HMCN2: variants seen among roughly 807,000 people sequenced by gnomAD.
HMCN2 encodes the protein hemicentin 2, also known as hemicentin-2.
HMCN2 carries 325 observed loss-of-function variants against 377.5 expected under a neutral mutation model. The ratio of observed to expected loss-of-function variants is 0.86; its 90% confidence interval spans 0.79 to 0.94. The LOEUF (loss-of-function observed/expected upper bound fraction) is 0.94, where lower values mean the gene tolerates loss of function less well. Ranked by LOEUF, HMCN2 falls within the 40% of genes least tolerant of loss-of-function variation. The pLI is 0.00. For synonymous variants in HMCN2, 2,007 were observed against 2,046.8 expected (o/e 0.98, Z 0.53); for missense variants, 4,543 against 4,725.3 (o/e 0.96, Z 1.13).
intron 28 of HMCN2, 75 bp downstream of exon 28, chr9:130,349,206 G>A (rs1839560940): frequency 8.0e-7 from 1 of 1,252,742 alleles, no homozygotes; most frequent in Admixed American, 2.4e-5. Context: ...GCACACCGGG[G>A]GAGAGGGTAG....
chr9:130,354,343 AG>A (rs1839904327), intron 31 of HMCN2, among the ~76,000 whole-genome samples: 1 of 152,176 alleles, frequency 6.6e-6, no homozygotes, highest in Admixed American at 6.5e-5. Flanking sequence ...ATCTGGGCTC[AG>A]GTCTGCCCCA....
chr9:130,370,045 T>C (rs774683757), intron 45 of HMCN2, among the ~76,000 whole-genome samples, 194 bp downstream of exon 45: 5 of 151,730 alleles, frequency 3.3e-5, no homozygotes, highest in Non-Finnish European at 7.4e-5. Context: ...TGGTCCCAAA[T>C]GGCCCCAATT....
chr9:130,306,768 A>G (rs1217570862), intron 12 of HMCN2, 43 bp from the exon 13 acceptor site: 1 of 448,030 alleles, frequency 2.2e-6, no homozygotes, highest in African/African-American at 2.0e-5. Flanking sequence ...ATTGTGGATC[A>G]ACCCCTTTTG....
rs942384776 is a variant in HMCN2 at position 130,384,729 on chromosome 9, G to A, written c.9037G>A (p.Gly3013Arg). 42 of 1,302,664 alleles carry A rather than the reference G, an allele frequency of 3.2e-5. No homozygotes were observed. The highest frequency in any genetic ancestry group is 1.1e-4 in the East Asian group (2 of 18,038). The allele number at this position is 1,302,664 out of a possible 1,614,324, so 80.7% of individuals were successfully genotyped here. Residue 3013 changes from glycine to arginine, a missense_variant, in exon 59 of 98, where the codon GGG becomes AGG. Physicochemically the swap from Gly to Arg is moderately radical, Grantham distance 125. This residue lies in a region of HMCN2 where 736 missense variants were observed against 773.2 expected (regional missense o/e 0.95). Transcript: ENST00000683500. The stretch of plus-strand genomic sequence containing the variant: ...GGGGAGAGCACGGCTGTCGGACTCC[G>A]GGATGTACACATGCGAAGCCCTCAA... ...QLGRARLSDS[G>R]MYTCEALNAA...
At position 130,303,539 on chromosome 9, in the gene HMCN2, G is replaced by A; in HGVS notation, c.1474G>A (p.Gly492Ser). Reference protein sequence around the residue: ...EILRASKAEEGTYECTAVSRA... With the variant: ...EILRASKAEESTYECTAVSRA... ...CCTGCGGGCCTCCAAGGCCGAGGAG[G>A]GCACGTACGAGTGCACAGCCGTCAG... The change falls in exon 10 of 98, where the codon GGC (glycine) becomes AGC (serine). Residue 492 changes from glycine (G) to serine (S), a missense_variant. By Grantham distance (56) the Gly-to-Ser change is moderately conservative. Coordinates refer to ENST00000683500, the MANE Select transcript of HMCN2 (RefSeq NM_001291815.2). The surrounding 1 kb of genome is among the most constrained non-coding windows in gnomAD (Gnocchi z 5.2). 1 of 427,892 alleles carries A rather than the reference G, an allele frequency of 2.3e-6. No individual in the cohort carries two copies. The highest frequency in any genetic ancestry group is 4.9e-6 in the Non-Finnish European group (1 of 204,800). The allele number at this position is 427,892 out of a possible 1,614,324, so 26.5% of individuals were successfully genotyped here.
Position 130,394,887 on chromosome 9 carries a change from G to T in HMCN2, c.10693-140G>T. Reference sequence around the variant, plus strand: ...CAACAGTGAGATGGAGGGAGAGGGCGTGGGTTGGCTGGGAGGTGGATGGCA... The same window carrying T: ...CAACAGTGAGATGGAGGGAGAGGGCTTGGGTTGGCTGGGAGGTGGATGGCA... On this transcript the variant is annotated intron_variant, in intron 69 of 97. Coordinates refer to ENST00000683500, the MANE Select transcript of HMCN2 (RefSeq NM_001291815.2). This position sits in a 1 kb window ranked among gnomAD's most constrained non-coding sequence, Gnocchi z 5.1. The T allele has an allele frequency of 2.2e-6, 1 of 445,696 alleles. No individual in the cohort carries two copies. The highest frequency in any genetic ancestry group is 3.9e-6 in the Non-Finnish European group (1 of 255,608). The allele number at this position is 445,696 out of a possible 1,614,324, so 27.6% of individuals were successfully genotyped here. A position where few individuals can be genotyped will look rare whatever the true frequency, so the allele number is the denominator to read the frequency against.
chr9:130,428,340 G>A lies in HMCN2; in HGVS notation c.14066-18G>A. The A allele has an allele frequency of 6.5e-7, 1 of 1,538,596 alleles. No individual in the cohort carries two copies. The highest frequency in any genetic ancestry group is 8.8e-7 in the Non-Finnish European group (1 of 1,141,392). On this transcript the variant is annotated intron_variant, in intron 92 of 97. Transcript: ENST00000683500. The surrounding 1 kb of genome is among the most constrained non-coding windows in gnomAD (Gnocchi z 5.0). The stretch of plus-strand genomic sequence containing the variant: ...GGGGATCATGTTCACACAGCCGTCT[G>A]CCCTGATCTGCCCCCAGATGTGGAC...
At chr9:130,359,970 G>C (rs79637602) in intron 37 of HMCN2, among the ~76,000 whole-genome samples, 1 of 152,144 alleles carries the variant, frequency 6.6e-6, no homozygotes, top group South Asian at 2.1e-4. Context: ...AGATACACGC[G>C]GTCCAGCCTG....
At chr9:130,332,520 G>T (rs1838479096) in intron 22 of HMCN2, among the ~76,000 whole-genome samples, 4 of 152,366 alleles carry the variant, frequency 2.6e-5, no homozygotes, top group Admixed American at 2.6e-4. Flanking sequence ...ATAGTTGACA[G>T]CTGTGGCTGG....
Position 130,265,771 on chromosome 9 carries a change from G to C in HMCN2, c.-108G>C. 1 of 224,486 alleles carries C rather than the reference G, an allele frequency of 4.5e-6. No individual in the cohort carries two copies. Among genetic ancestry groups the C allele is most frequent in the South Asian group, 5.0e-5 (1 of 20,190 alleles). 13.9% of individuals were successfully genotyped at this position (224,486 alleles called of 1,614,324 possible). On this transcript the variant is annotated 5_prime_UTR_variant, in exon 1 of 98. Transcript: ENST00000683500. ...CCCCTATCCCTCGCGCACTGGCCGCGGCCCGACGGAGCAAGGCACTGCCTG... is the reference window on the plus strand; with the variant it reads ...CCCCTATCCCTCGCGCACTGGCCGCCGCCCGACGGAGCAAGGCACTGCCTG...
Position 130,353,139 on chromosome 9 carries a change from G to A in HMCN2, c.4798G>A (p.Val1600Ile), listed in dbSNP as rs541765576. 2.1e-4 allele frequency: 271 copies of A among 1,304,098 alleles called. No homozygotes were observed. The African/African-American group carries it at 3.5e-3, about 17-fold the overall frequency. The allele number at this position is 1,304,098 out of a possible 1,614,324, so 80.8% of individuals were successfully genotyped here. A position where few individuals can be genotyped will look rare whatever the true frequency, so the allele number is the denominator to read the frequency against. Residue 1600 changes from valine (V) to isoleucine (I), a missense_variant, in exon 31 of 98, where the codon GTC becomes ATC. Coordinates refer to ENST00000683500, the MANE Select transcript of HMCN2 (RefSeq NM_001291815.2). ...GAGGGCCCAGAGCTCCGATGCCGGC[G>A]TCTACACCTGCAAGGCCAGCAATGC... ...LGRAQSSDAG[V>I]YTCKASNAVG...
At chr9:130,398,341 C>T (rs1455457256) in intron 74 of HMCN2, among the ~76,000 whole-genome samples, 1 of 152,082 alleles carries the variant, frequency 6.6e-6, no homozygotes, top group Non-Finnish European at 1.5e-5. Flanking sequence ...AGGAAAGGCA[C>T]TGAGGGGGTG....
chr9:130,356,346 A>G, intron 34 of HMCN2, 89 bp downstream of exon 34: 1 of 1,181,838 alleles, frequency 8.5e-7, no homozygotes, highest in African/African-American at 1.6e-5. Flanking sequence ...CTGGAAGGGC[A>G]CGGGGCTGGT....
In HMCN2 at chr9:130,358,917, G is replaced by A. The variant is rs181046008; in HGVS notation, c.5678-402G>A. Among the ~76,000 whole-genome samples the A allele has an allele frequency of 4.9e-3, 747 of 152,274 alleles. 8 individuals carry two copies. The highest frequency in any genetic ancestry group is 0.017 in the African/African-American group (707 of 41,580). On this transcript the variant is annotated intron_variant, in intron 36 of 97. Coordinates refer to ENST00000683500, the MANE Select transcript of HMCN2 (RefSeq NM_001291815.2). ...TCTCGATCTCCTGACCTCGTGATCCGCCCGCCTCGGCCTCCCAAAGTGCTG... is the reference window on the plus strand; with the variant it reads ...TCTCGATCTCCTGACCTCGTGATCCACCCGCCTCGGCCTCCCAAAGTGCTG...
intron 28 of HMCN2, 46 bp from the exon 29 acceptor site, chr9:130,349,491 G>T (rs947578490): frequency 1.5e-6 from 2 of 1,293,484 alleles, no homozygotes; most frequent in African/African-American, 3.0e-5. Context: ...GGCGGGGCTT[G>T]CAGGGTTTGA....
intron 90 of HMCN2, among the ~76,000 whole-genome samples, chr9:130,426,312 G>T (rs1042869268): frequency 6.6e-6 from 1 of 152,202 alleles, no homozygotes; most frequent in African/African-American, 2.4e-5. Context: ...AGACCCCCAG[G>T]AACATGCTTT....
chr9:130,355,530 A>G (rs890785319), intron 32 of HMCN2, among the ~76,000 whole-genome samples: 1 of 152,326 alleles, frequency 6.6e-6, no homozygotes, highest in Non-Finnish European at 1.5e-5. Flanking sequence ...AGGGAGGCAG[A>G]TGTTAAATAA....
At position 130,410,704 on chromosome 9, in the gene HMCN2, G is replaced by A; in HGVS notation, c.12961+52G>A. ...GACGTGGGAAGTGTGCTCGGGGACA[G>A]CGGTGGCGTGTGCAGCCTAGAGGGC... is the stretch of plus-strand genomic sequence containing the variant. On this transcript the variant is annotated intron_variant, in intron 85 of 97. Coordinates refer to ENST00000683500, the MANE Select transcript of HMCN2 (RefSeq NM_001291815.2). The A allele has an allele frequency of 6.7e-6, 10 of 1,494,078 alleles. No individual in the cohort carries two copies. The South Asian group carries it at 1.2e-4, about 18-fold the overall frequency. 92.6% of individuals were successfully genotyped at this position (1,494,078 alleles called of 1,614,324 possible).
intron 62 of HMCN2, among the ~76,000 whole-genome samples, chr9:130,388,782 C>T (rs1842150289): frequency 6.6e-6 from 1 of 152,032 alleles, no homozygotes; most frequent in African/African-American, 2.4e-5. Context: ...GCATCCACGT[C>T]CTCAGTCAGC....
Sources: gnomAD v4.1 joint callset for allele counts (sites outside exome capture counted in the v4.1 genomes callset) on GRCh38, gnomAD v4.1.1 for gene constraint, gnomAD v4.1.1 regional missense constraint, Gnocchi (gnomAD v3.1) non-coding constraint, MANE v1.5 for transcripts, NCBI Gene and HGNC (gene_info 2026-07-23, HGNC 2026-07-21) for gene names.